The following HACD2 variants were observed in gnomAD, a reference collection of about 807,000 sequenced individuals.
HACD2 encodes 3-hydroxyacyl-CoA dehydratase 2.
Under a neutral mutation model 31.0 loss-of-function variants are expected in HACD2, and 15 were observed. The ratio of observed to expected loss-of-function variants is 0.48; its 90% CI spans 0.32 to 0.75. HACD2 has a LOEUF of 0.75. Among genes scored for constraint, HACD2 ranks in the 30% least tolerant of loss-of-function variants. The pLI is 0.03. For synonymous variants in HACD2, 115 were observed against 122.2 expected, an observed-to-expected ratio of 0.94 and a Z score of 0.39; for missense variants, 283 against 313.0, an observed-to-expected ratio of 0.90 and a Z score of 0.72.
At chr3:123,525,914 A>G (rs2056277206) in intron 4 of HACD2, among the ~76,000 whole-genome samples, 1 of 152,256 alleles carries the variant, frequency 6.6e-6, no homozygotes, top group South Asian at 2.1e-4. Flanking sequence ...AAGATGCTTC[A>G]GGAAATCGAA....
chr3:123,517,950 T>TTTAAAAATTA (rs1559906940), intron 4 of HACD2, among the ~76,000 whole-genome samples: 7,298 of 9,344 alleles, frequency 0.78, 3,599 homozygotes, highest in Middle Eastern at 1. Flanking sequence ...CCCAGCACTT[T>TTTAAAAATTA]GGGAGGCCGA....
chr3:123,496,006 C>A (rs1207889670), intron 6 of HACD2, among the ~76,000 whole-genome samples: 1 of 152,158 alleles, frequency 6.6e-6, no homozygotes, highest in Non-Finnish European at 1.5e-5. Flanking sequence ...CCTCATCTCT[C>A]CAACAGCTCC....
chr3:123,561,171 G>T (rs2056725302), intron 3 of HACD2, among the ~76,000 whole-genome samples: 1 of 152,040 alleles, frequency 6.6e-6, no homozygotes, highest in Non-Finnish European at 1.5e-5. Context: ...TAGGAAGAGG[G>T]GTGGGTCTCC....
At chr3:123,532,783 G>A (rs77040935) in intron 3 of HACD2, among the ~76,000 whole-genome samples, 3,685 of 122,470 alleles carry the variant, frequency 0.03, 66 homozygotes, top group Middle Eastern at 0.17. Context: ...GCAGTGAGCC[G>A]AAAACGTGCC....
intron 3 of HACD2, among the ~76,000 whole-genome samples, chr3:123,532,517 A>G (rs902229864): frequency 1.3e-5 from 2 of 152,156 alleles, no homozygotes; most frequent in Non-Finnish European, 2.9e-5. Context: ...TGGGCTTATC[A>G]TTATTATCAG....
rs148499929 is a variant in HACD2, at chr3:123,530,895, T to G, written c.293-2421A>C. 2.0e-5 allele frequency among the ~76,000 whole-genome samples: 3 copies of G among 152,082 alleles called. No homozygotes were observed. The East Asian group carries it at 5.9e-4, about 30-fold the overall frequency. On this transcript the variant is annotated intron_variant, in intron 3 of 6. Transcript: ENST00000383657. ...TGTTGTTGTTGTTTTTAGATGGAGT[T>G]TCACTCCTGTCGCCCAGGCTGGAGT...
Position 123,584,920 on chromosome 3 carries a change from G to T in HACD2, c.108C>A (p.Pro36=), listed in dbSNP as rs768517086. ...AGATGACCAGGTACGCCGTGGCCAG[G>T]GGCCCCGGGCCCTTCTTCTTCCGCG... ...SGTRKKKGPG[P]LATAYLVIYN... Residue 36 remains proline (P), a synonymous_variant, in exon 1 of 7, where the codon CCC becomes CCA. Coordinates refer to ENST00000383657, the MANE Select transcript of HACD2 (RefSeq NM_198402.5). 1 of 1,527,540 alleles carries T rather than the reference G, an allele frequency of 6.5e-7. No homozygotes were observed. The highest frequency in any genetic ancestry group is 8.8e-7 in the Non-Finnish European group (1 of 1,137,188). The allele number at this position is 1,527,540 out of a possible 1,614,324, so 94.6% of individuals were successfully genotyped here.
intron 3 of HACD2, among the ~76,000 whole-genome samples, chr3:123,548,699 G>A (rs915149307): frequency 1.3e-4 from 20 of 151,926 alleles, no homozygotes; most frequent in African/African-American, 4.8e-4. Context: ...ATAGCTCACT[G>A]CAGCCTCCAC....
At chr3:123,563,618 T>G (rs1481471057) in intron 3 of HACD2, among the ~76,000 whole-genome samples, 1 of 150,214 alleles carries the variant, frequency 6.7e-6, no homozygotes, top group Non-Finnish European at 1.5e-5. Context: ...CATTTCTTCT[T>G]TTTTGAATTG....
intron 4 of HACD2, among the ~76,000 whole-genome samples, chr3:123,518,873 G>T (rs1657957720): frequency 6.6e-6 from 1 of 151,736 alleles, no homozygotes; most frequent in African/African-American, 2.4e-5. Flanking sequence ...GTGCGTGCCT[G>T]TAAGTCCCAG....
chr3:123,541,635 C>G (rs1231042411), intron 3 of HACD2, among the ~76,000 whole-genome samples: 1 of 152,102 alleles, frequency 6.6e-6, no homozygotes, highest in Non-Finnish European at 1.5e-5. Flanking sequence ...TCCAAGCAAT[C>G]AAGTTCAATT....
At chr3:123,580,768 G>A (rs543857508) in intron 2 of HACD2, among the ~76,000 whole-genome samples, 144 of 149,010 alleles carry the variant, frequency 9.7e-4, no homozygotes, top group African/African-American at 3.3e-3. Context: ...CAGCCTGGGC[G>A]ACAGAACAAG....
At chr3:123,555,659 C>T (rs1272261262) in intron 3 of HACD2, among the ~76,000 whole-genome samples, 1 of 152,148 alleles carries the variant, frequency 6.6e-6, no homozygotes, top group Non-Finnish European at 1.5e-5. Context: ...TTATTCCCGA[C>T]TTGCTCTATA....
chr3:123,566,813 C>T (rs1159662356), intron 3 of HACD2, among the ~76,000 whole-genome samples: 2 of 152,120 alleles, frequency 1.3e-5, no homozygotes, highest in African/African-American at 2.4e-5. Flanking sequence ...ATGATCGCAT[C>T]AATGCACTCT....
At chr3:123,565,784 A>G (rs1462934838) in intron 3 of HACD2, among the ~76,000 whole-genome samples, 1 of 152,150 alleles carries the variant, frequency 6.6e-6, no homozygotes, top group Non-Finnish European at 1.5e-5. Context: ...GGCCAAATAT[A>G]TCCCCCAATC....
chr3:123,515,414 T>C (rs528266598), intron 4 of HACD2, among the ~76,000 whole-genome samples: 1 of 152,244 alleles, frequency 6.6e-6, no homozygotes, highest in Admixed American at 6.5e-5. Context: ...TAAATATCTG[T>C]TGAATGAACA....
At chr3:123,505,963 C>T (rs1324840890) in intron 4 of HACD2, among the ~76,000 whole-genome samples, 1 of 152,184 alleles carries the variant, frequency 6.6e-6, no homozygotes, top group Non-Finnish European at 1.5e-5. Flanking sequence ...CCAGGACTGC[C>T]CAGGAAGGTC....
At chr3:123,525,158 G>C (rs991094704) in intron 4 of HACD2, among the ~76,000 whole-genome samples, 2 of 152,216 alleles carry the variant, frequency 1.3e-5, no homozygotes, top group African/African-American at 2.4e-5. Context: ...CAAGCCAGAA[G>C]GGGGCGGGAC....
rs2056973014 is a variant in HACD2, at chr3:123,582,200, C to T, written c.273+12G>A. The T allele has an allele frequency of 2.7e-6, 4 of 1,508,998 alleles. No individual in the cohort carries two copies. In the East Asian group the frequency reaches 9.1e-5, roughly 35 times the overall value. The allele number at this position is 1,508,998 out of a possible 1,614,324, so 93.5% of individuals were successfully genotyped here. ...ATGGAAATCAATAACAACAATAAAT[C>T]TCAGGACCTACCTCCAATAAGGCTC... On this transcript the variant is annotated intron_variant, in intron 2 of 6. Transcript: ENST00000383657.
Sources: gnomAD v4.1 joint callset for allele counts (sites outside exome capture counted in the v4.1 genomes callset) on GRCh38, gnomAD v4.1.1 for gene constraint, MANE v1.5 for transcripts, NCBI Gene and HGNC (gene_info 2026-07-23, HGNC 2026-07-21) for gene names.